TRAPPC9: variants seen among roughly 807,000 people sequenced by gnomAD.
The protein encoded by TRAPPC9 is trafficking protein particle complex subunit 9.
TRAPPC9 carries 83 observed loss-of-function variants against 124.0 expected under a neutral mutation model. The observed-to-expected ratio is 0.67, with a 90% CI of 0.56 to 0.80. The LOEUF (loss-of-function observed/expected upper bound fraction) is 0.80. Among genes scored for constraint, TRAPPC9 ranks in the 30% least tolerant of loss-of-function variants. The probability of loss-of-function intolerance (pLI) is 0.00; values close to 1 mark genes in which losing one functional copy is unlikely to be tolerated. For missense variants in TRAPPC9, 1,302 were observed against 1,508.3 expected (o/e 0.86, Z 2.27); for synonymous variants, 638 against 617.5 (o/e 1.03, Z -0.49).
At chr8:140,231,660 ATTT>A (rs71520265) in intron 16 of TRAPPC9, among the ~76,000 whole-genome samples, 10 of 127,934 alleles carry the variant, frequency 7.8e-5, no homozygotes, top group African/African-American at 1.2e-4. Flanking sequence ...CACACAGCTA[ATTT>A]TTTTTTTTTT....
intron 17 of TRAPPC9, among the ~76,000 whole-genome samples, chr8:140,205,750 G>T (rs2062902786): frequency 6.6e-6 from 1 of 152,108 alleles, no homozygotes; most frequent in Non-Finnish European, 1.5e-5. Flanking sequence ...TCGAATGTGG[G>T]CTCCCGCTCA....
chr8:140,114,632 G>A (rs2130542366), intron 17 of TRAPPC9, among the ~76,000 whole-genome samples: 1 of 152,308 alleles, frequency 6.6e-6, no homozygotes, highest in East Asian at 1.9e-4. Flanking sequence ...TAGGCCCTGG[G>A]TCCTTACATC....
At chr8:140,326,222 TAAA>T (rs748923859) in intron 9 of TRAPPC9, among the ~76,000 whole-genome samples, 5 of 109,426 alleles carry the variant, frequency 4.6e-5, no homozygotes, top group Admixed American at 9.4e-5. Flanking sequence ...CCGTCTCTAC[TAAA>T]AAAAAAAAAA....
At chr8:140,105,896 A>G (rs956311447) in intron 17 of TRAPPC9, among the ~76,000 whole-genome samples, 1 of 152,186 alleles carries the variant, frequency 6.6e-6, no homozygotes, top group Non-Finnish European at 1.5e-5. Context: ...CCACTCCTTC[A>G]TAGGAGACCT....
rs112586777 is a variant in TRAPPC9 at position 139,996,409 on chromosome 8, G to A, written c.2700-7573C>T. Among the ~76,000 whole-genome samples, 16 of 152,146 alleles carry A rather than the reference G, an allele frequency of 1.1e-4. 1 individual carries two copies. The highest frequency in any genetic ancestry group is 3.9e-4 in the African/African-American group (16 of 41,532). Reference sequence around the variant, plus strand: ...CAATCACATTCCAAGACCATGGGTTGGGGGTGGTGGGGGAACTCTAACAAC... The same window carrying A: ...CAATCACATTCCAAGACCATGGGTTAGGGGTGGTGGGGGAACTCTAACAAC... On this transcript the variant is annotated intron_variant, in intron 18 of 22. Transcript: ENST00000438773.
chr8:139,975,377 G>A (rs1446477054), intron 19 of TRAPPC9, among the ~76,000 whole-genome samples: 2 of 152,164 alleles, frequency 1.3e-5, no homozygotes, highest in African/African-American at 4.8e-5. Context: ...CAGTAAGCCT[G>A]GCGTGGGTCT....
At chr8:140,035,227 G>C (rs1410063420) in intron 17 of TRAPPC9, among the ~76,000 whole-genome samples, 1 of 152,222 alleles carries the variant, frequency 6.6e-6, no homozygotes, top group East Asian at 1.9e-4. Flanking sequence ...CACTCATTTA[G>C]TTATGAGAAA....
intron 19 of TRAPPC9, among the ~76,000 whole-genome samples, chr8:139,951,155 T>G (rs947332833): frequency 1.3e-5 from 2 of 152,050 alleles, no homozygotes; most frequent in African/African-American, 4.8e-5. Flanking sequence ...CTCACAGAAT[T>G]GGTATGGGAA....
At position 140,398,345 on chromosome 8, in the gene TRAPPC9, T is replaced by C. The variant is rs145712457; in HGVS notation, c.1009-600A>G. Among the ~76,000 whole-genome samples the C allele has an allele frequency of 4.4e-3, 665 of 152,236 alleles. 5 individuals are homozygous for C. The highest frequency in any genetic ancestry group is 0.015 in the African/African-American group (631 of 41,532). ...GGTAACAGACAGAGGTTGGAACAGT[T>C]TGGAGGGCTCAGAAGAAGACAGGAA... is the stretch of plus-strand genomic sequence containing the variant. On this transcript the variant is annotated intron_variant, in intron 6 of 22. Coordinates refer to ENST00000438773, the MANE Select transcript of TRAPPC9 (RefSeq NM_001160372.4).
rs1563892362 is a variant in TRAPPC9 at position 140,262,385 on chromosome 8, A to ACTGATTAACAT, written c.2279-9457_2279-9456insATGTTAATCAG. Among the ~76,000 whole-genome samples, 682 of 152,250 alleles carry ACTGATTAACAT rather than the reference A, an allele frequency of 4.5e-3. 5 individuals are homozygous for ACTGATTAACAT. Among genetic ancestry groups the ACTGATTAACAT allele is most frequent in the African/African-American group, 0.016 (645 of 41,518 alleles). On this transcript the variant is annotated intron_variant, in intron 15 of 22. Transcript: ENST00000438773. ...CCATGCTCCCGAGGCGTTGAACATG[A>ACTGATTAACAT]CAGGTCTCACAGAACTGATTAAAAG...
At chr8:140,167,612 T>C (rs1222414811) in intron 17 of TRAPPC9, among the ~76,000 whole-genome samples, 2 of 152,166 alleles carry the variant, frequency 1.3e-5, no homozygotes, top group Non-Finnish European at 2.9e-5. Flanking sequence ...GTGGTAGTTA[T>C]AGGAACATGA....
At chr8:140,080,532 G>A (rs141518736) in intron 17 of TRAPPC9, among the ~76,000 whole-genome samples, 13 of 152,304 alleles carry the variant, frequency 8.5e-5, no homozygotes, top group South Asian at 4.1e-4. Flanking sequence ...GCAAAGAGAC[G>A]TGCATAAGGA....
At chr8:139,966,951 A>G (rs901314490) in intron 19 of TRAPPC9, among the ~76,000 whole-genome samples, 12 of 152,240 alleles carry the variant, frequency 7.9e-5, no homozygotes, top group African/African-American at 2.9e-4. Flanking sequence ...ACATATTAAC[A>G]TAGGGTAAGA....
At chr8:140,031,560 G>A (rs963769691) in intron 17 of TRAPPC9, among the ~76,000 whole-genome samples, 2 of 152,178 alleles carry the variant, frequency 1.3e-5, no homozygotes, top group African/African-American at 4.8e-5. Context: ...TAGCTGTGAT[G>A]TGATCCACTT....
intron 15 of TRAPPC9, among the ~76,000 whole-genome samples, chr8:140,266,526 C>T (rs1428349576): frequency 2.0e-5 from 3 of 146,978 alleles, no homozygotes; most frequent in South Asian, 4.4e-4. Flanking sequence ...TACATGACAT[C>T]GCTAGACCCT....
At chr8:140,372,610 G>A (rs1204258795) in intron 7 of TRAPPC9, among the ~76,000 whole-genome samples, 2 of 152,184 alleles carry the variant, frequency 1.3e-5, no homozygotes, top group Non-Finnish European at 2.9e-5. Context: ...CAAGGTGATG[G>A]AATTAGGAGG....
chr8:139,963,745 C>A lies in TRAPPC9; in HGVS notation c.2810+24981G>T, dbSNP rs1387105680. Among the ~76,000 whole-genome samples, 10 of 106,728 alleles carry A rather than the reference C, an allele frequency of 9.4e-5. No homozygotes were observed. The Admixed American group carries it at 1.0e-3, about 11-fold the overall frequency. 70.0% of individuals were successfully genotyped at this position (106,728 alleles called of 152,430 possible). The stretch of plus-strand genomic sequence containing the variant: ...GAGGGATTCCCTCCGAGAACCAGTT[C>A]TACCAAAAAAAAAAAAAAAAAAAAA... On this transcript the variant is annotated intron_variant, in intron 19 of 22. Transcript: ENST00000438773.
At chr8:140,315,760 A>G (rs1294135326) in intron 9 of TRAPPC9, among the ~76,000 whole-genome samples, 1 of 152,204 alleles carries the variant, frequency 6.6e-6, no homozygotes, top group Non-Finnish European at 1.5e-5. Flanking sequence ...TCCAAAAGTG[A>G]CATAATTTGT....
At chr8:140,303,277 A>T (rs2066034401) in intron 10 of TRAPPC9, among the ~76,000 whole-genome samples, 1 of 152,182 alleles carries the variant, frequency 6.6e-6, no homozygotes, top group South Asian at 2.1e-4. Flanking sequence ...CTTAAAAAAA[A>T]ATATTCAATG....
Sources: gnomAD v4.1 joint callset for allele counts (sites outside exome capture counted in the v4.1 genomes callset) on GRCh38, gnomAD v4.1.1 for gene constraint, MANE v1.5 for transcripts, NCBI Gene and HGNC (gene_info 2026-07-23, HGNC 2026-07-21) for gene names.